Variants in WRN observed in about 807,000 individuals in gnomAD.
WRN encodes the protein bifunctional 3'-5' exonuclease/ATP-dependent helicase WRN.
WRN carries 149 observed loss-of-function variants against 180.7 expected under a neutral mutation model. That is an observed-to-expected ratio of 0.82 (90% CI 0.72 to 0.94). WRN has a LOEUF of 0.94. Among genes scored for constraint, WRN ranks in the 40% least tolerant of loss-of-function variants. The pLI is 0.00. For synonymous variants in WRN, 548 were observed against 568.9 expected, an observed-to-expected ratio of 0.96 and a Z score of 0.52; for missense variants, 1,661 against 1,700.1, an observed-to-expected ratio of 0.98 and a Z score of 0.40.
intron 3 of WRN, 91 bp downstream of exon 3, chr8:31,059,356 G>A (rs1238319366): frequency 9.9e-7 from 1 of 1,014,590 alleles, no homozygotes; most frequent in Non-Finnish European, 1.6e-6. Context: ...GAGTTTTACA[G>A]GTGAGGTGTG....
chr8:31,094,341 T>C (rs1317041746), intron 16 of WRN, among the ~76,000 whole-genome samples: 3 of 151,580 alleles, frequency 2.0e-5, no homozygotes, highest in African/African-American at 7.3e-5. Context: ...TCCCTTTTCT[T>C]TTCTTTCTTT....
intron 27 of WRN, among the ~76,000 whole-genome samples, chr8:31,142,974 A>G (rs886915169): frequency 6.6e-6 from 1 of 151,872 alleles, no homozygotes; most frequent in East Asian, 1.9e-4. Flanking sequence ...GTCACATGTT[A>G]TAATACTTAT....
At chr8:31,059,441 T>G (rs1211034214) in intron 3 of WRN, among the ~76,000 whole-genome samples, 176 bp downstream of exon 3, 1 of 152,232 alleles carries the variant, frequency 6.6e-6, no homozygotes, top group Non-Finnish European at 1.5e-5. Context: ...TGAATTAATT[T>G]GTAATCTGTC....
At chr8:31,077,766 C>T (rs550496074) in intron 8 of WRN, among the ~76,000 whole-genome samples, 31 of 152,230 alleles carry the variant, frequency 2.0e-4, no homozygotes, top group African/African-American at 7.5e-4. Context: ...AGAGACAGAT[C>T]TTTAAATTGA....
intron 21 of WRN, among the ~76,000 whole-genome samples, chr8:31,121,123 T>G (rs1801709616): frequency 6.6e-6 from 1 of 151,980 alleles, no homozygotes; most frequent in African/African-American, 2.4e-5. Context: ...GCAAAGATTT[T>G]GGGGCAGCAT....
intron 28 of WRN, among the ~76,000 whole-genome samples, chr8:31,144,991 G>A (rs1309831334): frequency 6.6e-6 from 1 of 152,190 alleles, no homozygotes; most frequent in Non-Finnish European, 1.5e-5. Context: ...AGAGAGGTGA[G>A]GAAGCTGCAG....
intron 1 of WRN, among the ~76,000 whole-genome samples, chr8:31,035,667 T>C (rs562583138): frequency 7.2e-5 from 11 of 152,320 alleles, no homozygotes; most frequent in Non-Finnish European, 1.6e-4. Context: ...GAGTAAGATA[T>C]CATAAAATTT....
chr8:31,064,113 TCTTA>T (rs746711419), intron 3 of WRN, among the ~76,000 whole-genome samples, 172 bp from the exon 4 acceptor site: 1 of 152,210 alleles, frequency 6.6e-6, no homozygotes, highest in African/African-American at 2.4e-5. Context: ...ATTTGTCTTT[TCTTA>T]CTTATTTTTC....
intron 11 of WRN, among the ~76,000 whole-genome samples, chr8:31,085,506 G>A (rs921923159): frequency 1.6e-4 from 24 of 148,980 alleles, no homozygotes; most frequent in Admixed American, 5.4e-4. Flanking sequence ...GTCTCACTCT[G>A]TCACCCAGGC....
At chr8:31,164,665 G>A (rs944512680) in intron 33 of WRN, among the ~76,000 whole-genome samples, 2 of 152,014 alleles carry the variant, frequency 1.3e-5, no homozygotes, top group African/African-American at 4.8e-5. Flanking sequence ...ATAAATTAAG[G>A]CATTGAATGA....
intron 7 of WRN, among the ~76,000 whole-genome samples, chr8:31,075,932 T>A (rs556895287): frequency 6.6e-6 from 1 of 152,330 alleles, no homozygotes; most frequent in South Asian, 2.1e-4. Flanking sequence ...GAATAACTGC[T>A]GGGTTATAGT....
At chr8:31,106,744 C>G (rs920765507) in intron 18 of WRN, among the ~76,000 whole-genome samples, 1 of 152,178 alleles carries the variant, frequency 6.6e-6, no homozygotes, top group South Asian at 2.1e-4. Flanking sequence ...AGCACTATCA[C>G]TGTCTAACTT....
At chr8:31,170,628 A>T (rs999996664) in intron 34 of WRN, among the ~76,000 whole-genome samples, 1 of 152,142 alleles carries the variant, frequency 6.6e-6, no homozygotes, top group Non-Finnish European at 1.5e-5. Context: ...GATGTTTCCT[A>T]TTCGTAACTT....
intron 24 of WRN, among the ~76,000 whole-genome samples, chr8:31,135,231 AT>A (rs534617278): frequency 2.4e-4 from 37 of 151,464 alleles, no homozygotes; most frequent in Admixed American, 1.5e-3. Flanking sequence ...TTATTTTTTA[AT>A]TTTTTTGTAG....
chr8:31,084,511 A>G (rs951096868), intron 10 of WRN, among the ~76,000 whole-genome samples: 2 of 151,878 alleles, frequency 1.3e-5, no homozygotes, highest in Non-Finnish European at 2.9e-5. Context: ...TCCTTTTCCT[A>G]CTTTCTGTTT....
intron 18 of WRN, among the ~76,000 whole-genome samples, chr8:31,104,444 C>A (rs374939172): frequency 3.9e-5 from 6 of 152,114 alleles, no homozygotes; most frequent in Admixed American, 2.0e-4. Flanking sequence ...TGGTCAGATA[C>A]GTGGTTTCAA....
intron 1 of WRN, among the ~76,000 whole-genome samples, chr8:31,038,114 C>T (rs112566337): frequency 0.014 from 2,157 of 152,134 alleles, 47 homozygotes; most frequent in African/African-American, 0.048. Flanking sequence ...AATATACCTA[C>T]GTGTGGACTT....
chr8:31,157,480 A>T lies in WRN; in HGVS notation c.3932A>T (p.Glu1311Val). 1 of 1,614,100 alleles carries T rather than the reference A, an allele frequency of 6.2e-7. No individual in the cohort carries two copies. The highest frequency in any genetic ancestry group is 8.5e-7 in the Non-Finnish European group (1 of 1,180,004). Reference protein sequence around the residue: ...LDLERAGLTPEVQKIIADVIR... With the variant: ...LDLERAGLTPVVQKIIADVIR... ...TTGGAGCGAGCAGGCCTGACTCCAG[A>T]GGTTCAGAAGATTATTGCTGATGTT... is the stretch of plus-strand genomic sequence containing the variant. Residue 1311 changes from glutamate to valine, a missense_variant, in exon 33 of 35, where the codon GAG (glutamate) becomes GTG (valine). Coordinates refer to ENST00000298139, the MANE Select transcript of WRN (RefSeq NM_000553.6).
intron 1 of WRN, among the ~76,000 whole-genome samples, chr8:31,049,210 C>CAAAAAAAAAAAAAA (rs72226104): frequency 1.9e-4 from 6 of 31,790 alleles, no homozygotes; most frequent in Non-Finnish European, 3.0e-4. Flanking sequence ...GACTCTGTCT[C>CAAAAAAAAAAAAAA]AAAAAAAAAA....
Sources: allele counts gnomAD v4.1 joint callset (sites outside exome capture counted in the v4.1 genomes callset), GRCh38; gene constraint gnomAD v4.1.1; transcripts MANE v1.5; gene names NCBI Gene and HGNC (gene_info 2026-07-23, HGNC 2026-07-21).